SEL1L3: variants seen among roughly 807,000 people sequenced by gnomAD.
SEL1L3 encodes the protein protein sel-1 homolog 3.
In SEL1L3, 76 loss-of-function variants were observed where a neutral mutation model predicts 142.8. That is an observed-to-expected ratio of 0.53 (90% CI 0.44 to 0.64). The LOEUF (loss-of-function observed/expected upper bound fraction) is 0.64, where lower values mean the gene tolerates loss of function less well. SEL1L3 is among the 30% of genes least tolerant of loss of function. SEL1L3 has a pLI of 0.00. For missense variants in SEL1L3, 1,262 were observed against 1,381.7 expected, an observed-to-expected ratio of 0.91 and a Z score of 1.37; for synonymous variants, 504 against 519.6, an observed-to-expected ratio of 0.97 and a Z score of 0.41.
chr4:25,769,951 AC>A (rs1719037392), intron 17 of SEL1L3, among the ~76,000 whole-genome samples: 2 of 151,952 alleles, frequency 1.3e-5, no homozygotes. Context: ...AACAGTAGAA[AC>A]CCTGTCTCTA....
chr4:25,737,251 G>A, the SEL1L3 span, among the ~76,000 whole-genome samples: 2 of 152,176 alleles, frequency 1.3e-5, no homozygotes, highest in African/African-American at 4.8e-5. Flanking sequence ...GTAAAGTGCT[G>A]GGATTACAGG....
intron 9 of SEL1L3, among the ~76,000 whole-genome samples, chr4:25,807,961 C>A (rs1713715622): frequency 1.3e-5 from 2 of 152,126 alleles, no homozygotes; most frequent in South Asian, 4.1e-4. Context: ...GAAAAAGAAT[C>A]AAATAATTTT....
At chr4:25,847,009 TC>T (rs1296607078) in intron 2 of SEL1L3, among the ~76,000 whole-genome samples, 1 of 151,182 alleles carries the variant, frequency 6.6e-6, no homozygotes, top group African/African-American at 2.4e-5. Flanking sequence ...GCATGAATAC[TC>T]CTTTCCAGCT....
chr4:25,762,602 A>C (rs1718443765), intron 20 of SEL1L3, among the ~76,000 whole-genome samples: 1 of 152,252 alleles, frequency 6.6e-6, no homozygotes, highest in African/African-American at 2.4e-5. Flanking sequence ...GCTCAACAGA[A>C]TATGGGGCAG....
At chr4:25,815,896 G>A (rs1714360052) in intron 9 of SEL1L3, among the ~76,000 whole-genome samples, 1 of 150,662 alleles carries the variant, frequency 6.6e-6, no homozygotes, top group East Asian at 1.9e-4. Context: ...ATCTAGTTGT[G>A]GAGTCCAGAA....
chr4:25,752,822 T>C (rs1006481460), intron 23 of SEL1L3, among the ~76,000 whole-genome samples: 1 of 152,228 alleles, frequency 6.6e-6, no homozygotes, highest in Admixed American at 6.5e-5. Flanking sequence ...GGTTTCACCA[T>C]GTTGGTCAGA....
chr4:25,857,706 G>C (rs966189694), intron 1 of SEL1L3, among the ~76,000 whole-genome samples: 1 of 152,244 alleles, frequency 6.6e-6, no homozygotes, highest in African/African-American at 2.4e-5. Context: ...CAAAGCCAGG[G>C]AAGGTGTGCC....
At chr4:25,717,206 TA>T in the SEL1L3 span, among the ~76,000 whole-genome samples, 46 of 151,966 alleles carry the variant, frequency 3.0e-4, no homozygotes, top group Non-Finnish European at 4.3e-4. Context: ...AAATTAAAAA[TA>T]AAAAAAACCC....
chr4:25,804,684 G>C lies in SEL1L3; in HGVS notation c.1633C>G (p.Leu545Val). The C allele has an allele frequency of 6.2e-7, 1 of 1,613,812 alleles. No individual in the cohort carries two copies. The highest frequency in any genetic ancestry group is 8.5e-7 in the Non-Finnish European group (1 of 1,179,694). ...GKIFEKAVKRLSSIDGLHQIS... is the reference protein window; with the variant it reads ...GKIFEKAVKRVSSIDGLHQIS... Reference sequence around the variant, plus strand: ...TGGTGAAGACCATCAATGCTAGAGAGTCTCTTTACAGCCTTCTCAAATATC... The same window carrying C: ...TGGTGAAGACCATCAATGCTAGAGACTCTCTTTACAGCCTTCTCAAATATC... Residue 545 changes from leucine (L) to valine (V), a missense_variant, in exon 10 of 24, where the codon CTC becomes GTC. Leu to Val is a conservative substitution (Grantham distance 32). This residue lies in a region of SEL1L3 where 689 missense variants were observed against 692.8 expected (regional missense o/e 0.99). Transcript: ENST00000399878.
rs576389503 is a variant in SEL1L3, at chr4:25,847,873, A to G, written c.163-9T>C. The G allele has an allele frequency of 6.8e-7, 1 of 1,479,456 alleles. No homozygotes were observed. The allele number at this position is 1,479,456 out of a possible 1,614,324, so 91.6% of individuals were successfully genotyped here. A position where few individuals can be genotyped will look rare whatever the true frequency, so the allele number is the denominator to read the frequency against. On this transcript the variant is annotated splice_polypyrimidine_tract_variant and intron_variant, in intron 1 of 23. Transcript: ENST00000399878. Reference sequence around the variant, plus strand: ...AAAGATGGTACAACATTCTGAAAAAAAGAAAAAGAAAGTAAGAAATACAGA... The same window carrying G: ...AAAGATGGTACAACATTCTGAAAAAGAGAAAAAGAAAGTAAGAAATACAGA...
the SEL1L3 span, among the ~76,000 whole-genome samples, chr4:25,734,059 T>C: frequency 6.6e-6 from 1 of 152,280 alleles, no homozygotes; most frequent in Non-Finnish European, 1.5e-5. Flanking sequence ...TCGCTCTGGC[T>C]GTCGCCCAGG....
chr4:25,806,778 T>C (rs1713606030), intron 9 of SEL1L3, among the ~76,000 whole-genome samples: 1 of 152,158 alleles, frequency 6.6e-6, no homozygotes, highest in Admixed American at 6.5e-5. Context: ...GCTGAAAACA[T>C]TCACTTTACT....
the SEL1L3 span, among the ~76,000 whole-genome samples, chr4:25,732,838 G>C: frequency 6.6e-6 from 1 of 152,044 alleles, no homozygotes; most frequent in South Asian, 2.1e-4. Context: ...CCACCTCCCA[G>C]GTTCAAGAAA....
rs191369976 is a variant in SEL1L3, at chr4:25,778,465, A to T, written c.2585+611T>A. On this transcript the variant is annotated intron_variant, in intron 16 of 23. Coordinates refer to ENST00000399878, the MANE Select transcript of SEL1L3 (RefSeq NM_015187.5). ...AAATAAACAATAAAAAATAAGTAGCAATCCATAGAAAAGAAAAAGTTGTGC... is the reference window on the plus strand; with the variant it reads ...AAATAAACAATAAAAAATAAGTAGCTATCCATAGAAAAGAAAAAGTTGTGC... Among the ~76,000 whole-genome samples, 23 of 152,356 alleles carry T rather than the reference A, an allele frequency of 1.5e-4. No individual in the cohort carries two copies. In the East Asian group the frequency reaches 4.0e-3, roughly 27 times the overall value.
At chr4:25,863,225 AC>A (rs1349990404), upstream of SEL1L3, among the ~76,000 whole-genome samples, 1 of 44,176 alleles carries the variant, frequency 2.3e-5, no homozygotes, top group Non-Finnish European at 4.1e-5. Context: ...GCCCCGGCGC[AC>A]CCCCCTTTCC....
chr4:25,798,460 C>T (rs1220383874), intron 11 of SEL1L3, among the ~76,000 whole-genome samples: 1 of 152,150 alleles, frequency 6.6e-6, no homozygotes, highest in Admixed American at 6.5e-5. Flanking sequence ...TTCTGTAAGC[C>T]CCCAGGTGAT....
intron 13 of SEL1L3, among the ~76,000 whole-genome samples, chr4:25,785,808 TA>T (rs1711781473): frequency 6.6e-6 from 1 of 152,108 alleles, no homozygotes; most frequent in Non-Finnish European, 1.5e-5. Flanking sequence ...TGAAGTATAA[TA>T]AGTTTATCTT....
At chr4:25,761,396 T>C (rs1259565846) in intron 20 of SEL1L3, among the ~76,000 whole-genome samples, 1 of 152,116 alleles carries the variant, frequency 6.6e-6, no homozygotes, top group Non-Finnish European at 1.5e-5. Context: ...CCTCAGTTAA[T>C]CCGCCCACCT....
intron 7 of SEL1L3, 129 bp downstream of exon 7, chr4:25,821,867 T>C (rs1355630472): frequency 5.4e-6 from 5 of 919,978 alleles, no homozygotes; most frequent in South Asian, 2.0e-5. Flanking sequence ...TCAATATTAA[T>C]GATGTCTGAT....
Sources: gnomAD v4.1 joint callset for allele counts (sites outside exome capture counted in the v4.1 genomes callset) on GRCh38, gnomAD v4.1.1 for gene constraint, gnomAD v4.1.1 regional missense constraint, MANE v1.5 for transcripts, NCBI Gene and HGNC (gene_info 2026-07-23, HGNC 2026-07-21) for gene names.